Variants in LIPA observed in about 807,000 individuals in gnomAD.
LIPA encodes lipase A, lysosomal acid type.
LIPA carries 26 observed loss-of-function variants against 40.6 expected under a neutral mutation model. That is an observed-to-expected ratio of 0.64 (90% CI 0.47 to 0.89). LIPA has a LOEUF of 0.89. Among genes scored for constraint, LIPA ranks in the 40% least tolerant of loss-of-function variants. The pLI is 0.00. For synonymous variants in LIPA, 188 were observed against 168.4 expected, an observed-to-expected ratio of 1.12 and a Z score of -0.90; for missense variants, 455 against 479.6, an observed-to-expected ratio of 0.95 and a Z score of 0.48.
chr10:89,240,843 C>A (rs947629784), intron 3 of LIPA, among the ~76,000 whole-genome samples: 1 of 152,100 alleles, frequency 6.6e-6, no homozygotes, highest in African/African-American at 2.4e-5. Flanking sequence ...ACTATTAAAT[C>A]GCAATGTCAC....
intron 2 of LIPA, among the ~76,000 whole-genome samples, chr10:89,378,370 G>A (rs1342422572): frequency 6.6e-6 from 1 of 152,176 alleles, no homozygotes; most frequent in Non-Finnish European, 1.5e-5. Flanking sequence ...GTGCTTGTTG[G>A]TTGCAGGGCA....
chr10:89,301,678 A>G (rs1843445891), intron 1 of LIPA, among the ~76,000 whole-genome samples: 1 of 152,256 alleles, frequency 6.6e-6, no homozygotes, highest in African/African-American at 2.4e-5. Flanking sequence ...TATTCTGTGT[A>G]TATCTTTAAC....
chr10:89,379,921 G>A (rs1026285946), intron 2 of LIPA, among the ~76,000 whole-genome samples: 5 of 152,014 alleles, frequency 3.3e-5, no homozygotes, highest in Non-Finnish European at 7.4e-5. Flanking sequence ...TGTAGTCCCA[G>A]CTACTCAGGA....
chr10:89,293,953 T>C (rs752990861), intron 1 of LIPA, among the ~76,000 whole-genome samples: 31 of 152,228 alleles, frequency 2.0e-4, no homozygotes, highest in Non-Finnish European at 3.7e-4. Context: ...CTCTTCCTGA[T>C]AGAATATAAG....
At chr10:89,295,010 G>A (rs752361113) in intron 1 of LIPA, among the ~76,000 whole-genome samples, 1 of 120,378 alleles carries the variant, frequency 8.3e-6, no homozygotes, top group African/African-American at 3.7e-5. Context: ...AGAAAGGAAA[G>A]GAAATGAAAT....
At chr10:89,319,583 C>CA in intron 1 of LIPA, among the ~76,000 whole-genome samples, 1 of 151,938 alleles carries the variant, frequency 6.6e-6, no homozygotes. Flanking sequence ...GCCTACCAAC[C>CA]AAAAAAAGTC....
chr10:89,383,772 T>A (rs304494), intron 2 of LIPA: 838,100 of 1,613,918 alleles, frequency 0.52, 227,098 homozygotes, highest in African/African-American at 0.89. Flanking sequence ...CGAAGTGTGG[T>A]GGAAAGAATT....
intron 1 of LIPA, among the ~76,000 whole-genome samples, chr10:89,265,462 T>C (rs1843231176): frequency 6.6e-6 from 1 of 152,162 alleles, no homozygotes; most frequent in East Asian, 1.9e-4. Flanking sequence ...TCAGTAAACA[T>C]ATCCTTTTGT....
intron 2 of LIPA, among the ~76,000 whole-genome samples, chr10:89,356,090 T>C (rs1843986997): frequency 1.3e-5 from 2 of 152,254 alleles, no homozygotes; most frequent in Admixed American, 6.5e-5. Context: ...CTCTGTGGAC[T>C]TGCCCTGATT....
chr10:89,337,766 T>C (rs1046837451), intron 1 of LIPA, among the ~76,000 whole-genome samples: 3 of 152,234 alleles, frequency 2.0e-5, no homozygotes, highest in African/African-American at 7.2e-5. Context: ...CTCTTACCCA[T>C]CTTACCTCAC....
intron 2 of LIPA, among the ~76,000 whole-genome samples, chr10:89,361,872 T>G (rs1844023926): frequency 1.0e-5 from 1 of 99,842 alleles, no homozygotes; most frequent in South Asian, 3.7e-4. Flanking sequence ...ACCCTCCACC[T>G]GCCTTTTTTT....
intron 2 of LIPA, among the ~76,000 whole-genome samples, chr10:89,347,776 A>C (rs1186601220): frequency 3.9e-5 from 6 of 152,192 alleles, no homozygotes; most frequent in Non-Finnish European, 5.9e-5. Context: ...ACCTGGTGGC[A>C]CATCACAGCT....
chr10:89,245,940 C>A, intron 2 of LIPA, 147 bp from the exon 3 acceptor site: 1 of 695,590 alleles, frequency 1.4e-6, no homozygotes, highest in Non-Finnish European at 2.6e-6. Flanking sequence ...ATCTAGTAGC[C>A]AACTTCTCAT....
At chr10:89,347,502 G>A (rs1320173894), upstream of LIPA, among the ~76,000 whole-genome samples, 1 of 152,218 alleles carries the variant, frequency 6.6e-6, no homozygotes, top group African/African-American at 2.4e-5. Flanking sequence ...TTGCAAGCAA[G>A]TCTTTCTAAA....
chr10:89,385,932 T>G (rs304495), intron 2 of LIPA, among the ~76,000 whole-genome samples: 94,730 of 152,164 alleles, frequency 0.62, 31,983 homozygotes, highest in African/African-American at 0.88. Flanking sequence ...TTTTGTGTTT[T>G]ATTTCAAATA....
intron 2 of LIPA, among the ~76,000 whole-genome samples, chr10:89,409,865 G>A (rs182291306): frequency 2.0e-5 from 3 of 152,312 alleles, no homozygotes; most frequent in Non-Finnish European, 2.9e-5. Flanking sequence ...AGCCAAAGCT[G>A]GAGCTATTAT....
chr10:89,232,448 A>G (rs1252264482), intron 3 of LIPA, among the ~76,000 whole-genome samples: 2 of 152,208 alleles, frequency 1.3e-5, no homozygotes, highest in African/African-American at 4.8e-5. Flanking sequence ...AGAGTCAGAG[A>G]GAGGCAAGAG....
intron 1 of LIPA, among the ~76,000 whole-genome samples, chr10:89,293,819 C>T (rs1843392725): frequency 6.6e-6 from 1 of 152,090 alleles, no homozygotes; most frequent in African/African-American, 2.4e-5. Context: ...CTCATTTAAC[C>T]TTAAATACCT....
At chr10:89,402,401 G>C (rs1170582150) in intron 2 of LIPA, 18 of 1,614,012 alleles carry the variant, frequency 1.1e-5, no homozygotes, top group Non-Finnish European at 1.4e-5. Flanking sequence ...TCTTGGATCA[G>C]ATTGAATTCC....
Sources: allele counts gnomAD v4.1 joint callset (sites outside exome capture counted in the v4.1 genomes callset), GRCh38; gene constraint gnomAD v4.1.1; transcripts MANE v1.5; gene names NCBI Gene and HGNC (gene_info 2026-07-23, HGNC 2026-07-21).